CACNG2: variants seen among roughly 807,000 people sequenced by gnomAD.
CACNG2 encodes voltage-dependent calcium channel gamma-2 subunit.
A neutral mutation model predicts 25.9 loss-of-function variants in CACNG2; 3 were observed. The ratio of observed to expected loss-of-function variants is 0.12; its 90% CI spans 0.05 to 0.30. The LOEUF is 0.30. Ranked by LOEUF, CACNG2 falls within the 10% of genes least tolerant of loss-of-function variation. The probability of loss-of-function intolerance (pLI) is 1.00; values close to 1 mark genes in which losing one functional copy is unlikely to be tolerated. For missense variants in CACNG2, 341 were observed against 432.5 expected, an observed-to-expected ratio of 0.79 and a Z score of 1.88; for synonymous variants, 167 against 173.3, an observed-to-expected ratio of 0.96 and a Z score of 0.29.
chr22:36,665,998 A>G (rs1356011245), intron 1 of CACNG2, among the ~76,000 whole-genome samples: 2 of 152,224 alleles, frequency 1.3e-5, no homozygotes, highest in African/African-American at 4.8e-5. Flanking sequence ...GGATAAGCAA[A>G]ACTGGGTATA....
chr22:36,671,709 G>T (rs1417087705), intron 1 of CACNG2, among the ~76,000 whole-genome samples: 1 of 152,162 alleles, frequency 6.6e-6, no homozygotes, highest in Admixed American at 6.5e-5. Flanking sequence ...ACACCCAGAG[G>T]CATCTGTGTT....
intron 1 of CACNG2, among the ~76,000 whole-genome samples, chr22:36,638,152 C>T (rs185903884): frequency 7.2e-5 from 11 of 152,252 alleles, no homozygotes; most frequent in Admixed American, 3.3e-4. Flanking sequence ...AAAGGGATCT[C>T]GCACCCACCC....
chr22:36,631,599 T>C lies in CACNG2; in HGVS notation c.212-44051A>G, dbSNP rs560126690. The stretch of plus-strand genomic sequence containing the variant: ...TGAGAAAGTATCTTCCTTGTTTTTA[T>C]CTAAAAGCATCCAGAGTGACTCTCT... On this transcript the variant is annotated intron_variant, in intron 1 of 3. Transcript: ENST00000300105. Among the ~76,000 whole-genome samples the C allele has an allele frequency of 5.9e-5, 9 of 152,276 alleles. No homozygotes were observed. The East Asian group carries it at 1.3e-3, about 23-fold the overall frequency.
At chr22:36,666,883 C>T (rs1601445204) in intron 1 of CACNG2, among the ~76,000 whole-genome samples, 1 of 152,224 alleles carries the variant, frequency 6.6e-6, no homozygotes, top group East Asian at 1.9e-4. Context: ...GCCCACTTCC[C>T]CTGCCAGCAC....
chr22:36,613,528 A>G (rs1443026374), intron 1 of CACNG2, among the ~76,000 whole-genome samples: 2 of 151,390 alleles, frequency 1.3e-5, no homozygotes, highest in African/African-American at 2.4e-5. Context: ...CTTCCTGTTC[A>G]TTTTCAGACT....
intron 1 of CACNG2, among the ~76,000 whole-genome samples, chr22:36,699,559 A>G (rs773731933): frequency 2.7e-5 from 4 of 150,660 alleles, no homozygotes; most frequent in Admixed American, 6.7e-5. Flanking sequence ...TTTCATCTGG[A>G]GTCATTAGCG....
At chr22:36,700,758 G>C (rs1937401538) in intron 1 of CACNG2, among the ~76,000 whole-genome samples, 1 of 152,076 alleles carries the variant, frequency 6.6e-6, no homozygotes, top group African/African-American at 2.4e-5. Flanking sequence ...TTTCTGGCTG[G>C]GGAAGAGCAT....
chr22:36,565,039 A>G (rs1306068700), intron 3 of CACNG2, among the ~76,000 whole-genome samples, 153 bp from the exon 4 acceptor site: 2 of 151,942 alleles, frequency 1.3e-5, no homozygotes, highest in Non-Finnish European at 2.9e-5. Context: ...GTGTAGATGG[A>G]CATCCGCAAG....
At chr22:36,602,381 A>AT (rs1308402393) in intron 1 of CACNG2, among the ~76,000 whole-genome samples, 2 of 151,930 alleles carry the variant, frequency 1.3e-5, no homozygotes, top group African/African-American at 4.8e-5. Context: ...CACATTCTAA[A>AT]AATATATATA....
At chr22:36,611,500 G>C (rs1935938599) in intron 1 of CACNG2, among the ~76,000 whole-genome samples, 1 of 152,220 alleles carries the variant, frequency 6.6e-6, no homozygotes, top group Admixed American at 6.5e-5. Context: ...GCCAGGAACT[G>C]GTAAACAGCT....
chr22:36,651,517 C>T (rs1175194487), intron 1 of CACNG2, among the ~76,000 whole-genome samples: 1 of 152,152 alleles, frequency 6.6e-6, no homozygotes, highest in Non-Finnish European at 1.5e-5. Context: ...GCGTGAGCCA[C>T]TGAACCTGGC....
At chr22:36,651,821 C>G (rs946520763) in intron 1 of CACNG2, among the ~76,000 whole-genome samples, 1 of 152,126 alleles carries the variant, frequency 6.6e-6, no homozygotes, top group African/African-American at 2.4e-5. Context: ...ATCCGTGACA[C>G]TTACCAACCT....
At chr22:36,594,948 CTG>C (rs1433948157) in intron 1 of CACNG2, among the ~76,000 whole-genome samples, 1 of 145,114 alleles carries the variant, frequency 6.9e-6, no homozygotes, top group African/African-American at 2.6e-5. Flanking sequence ...TTGTGTGTGT[CTG>C]TGTCTGTATG....
intron 2 of CACNG2, among the ~76,000 whole-genome samples, chr22:36,571,835 C>T (rs1253810375): frequency 2.0e-5 from 3 of 151,062 alleles, no homozygotes; most frequent in Non-Finnish European, 4.4e-5. Context: ...CAGGATCTCA[C>T]CACTGCACTC....
At chr22:36,682,147 G>A (rs571386870) in intron 1 of CACNG2, among the ~76,000 whole-genome samples, 19 of 152,340 alleles carry the variant, frequency 1.2e-4, no homozygotes, top group African/African-American at 4.6e-4. Context: ...AAGCTTGGGA[G>A]GGTTCCCACA....
chr22:36,702,307 G>T, intron 1 of CACNG2, 59 bp downstream of exon 1: 10 of 1,042,962 alleles, frequency 9.6e-6, no homozygotes, highest in Non-Finnish European at 1.4e-5. Flanking sequence ...GGGTGGGGAG[G>T]GGGGAGTGAA....
At chr22:36,594,687 GTGTC>G (rs1304835278) in intron 1 of CACNG2, among the ~76,000 whole-genome samples, 1 of 151,564 alleles carries the variant, frequency 6.6e-6, no homozygotes, top group Non-Finnish European at 1.5e-5. Flanking sequence ...GCCCGCGTGT[GTGTC>G]TGTGTGTGTG....
intron 2 of CACNG2, chr22:36,584,486 G>A (rs540699863): frequency 3.3e-5 from 5 of 152,276 alleles, no homozygotes; most frequent in African/African-American, 7.2e-5. Flanking sequence ...GCAGGGACAG[G>A]GTGTTTCACA....
At chr22:36,594,754 TATGTGTGTGCGTGC>T (rs1344488785) in intron 1 of CACNG2, among the ~76,000 whole-genome samples, 1 of 150,002 alleles carries the variant, frequency 6.7e-6, no homozygotes, top group Admixed American at 6.7e-5. Context: ...TGTGTGTGCG[TATGTGTGTGCGTGC>T]ATGGGTGTGT....
Sources: allele counts gnomAD v4.1 joint callset (sites outside exome capture counted in the v4.1 genomes callset), GRCh38; gene constraint gnomAD v4.1.1; transcripts MANE v1.5; gene names NCBI Gene and HGNC (gene_info 2026-07-23, HGNC 2026-07-21).